The following PLCB1 variants were observed in gnomAD, a reference collection of about 807,000 sequenced individuals.
The protein encoded by PLCB1 is 1-phosphatidylinositol 4,5-bisphosphate phosphodiesterase beta-1.
PLCB1 carries 46 observed loss-of-function variants against 161.8 expected under a neutral mutation model. That is an observed-to-expected ratio of 0.28 (90% confidence interval 0.22 to 0.36). The LOEUF (loss-of-function observed/expected upper bound fraction) is 0.36, where lower values mean the gene tolerates loss of function less well. Ranked by LOEUF, PLCB1 falls within the 10% of genes least tolerant of loss-of-function variation. PLCB1 has a pLI of 1.00. For synonymous variants in PLCB1, 517 were observed against 503.7 expected, an observed-to-expected ratio of 1.03 and a Z score of -0.35; for missense variants, 1,016 against 1,472.5, an observed-to-expected ratio of 0.69 and a Z score of 5.07.
chr20:8,629,083 C>T (rs1022014032), intron 4 of PLCB1, among the ~76,000 whole-genome samples: 1 of 152,088 alleles, frequency 6.6e-6, no homozygotes, highest in African/African-American at 2.4e-5. Context: ...CTTCTAAGTC[C>T]GTGTCATTTC....
intron 9 of PLCB1, among the ~76,000 whole-genome samples, chr20:8,675,067 A>G (rs901219799): frequency 8.5e-5 from 13 of 152,170 alleles, no homozygotes; most frequent in Non-Finnish European, 1.3e-4. Flanking sequence ...GTACAGAATT[A>G]CAAATCTGGA....
chr20:8,375,849 A>G (rs1987057142), intron 3 of PLCB1, among the ~76,000 whole-genome samples: 1 of 151,128 alleles, frequency 6.6e-6, no homozygotes, highest in African/African-American at 2.4e-5. Context: ...TTAAACACCC[A>G]TGACTTTCCA....
At chr20:8,391,791 A>G (rs62195929) in intron 3 of PLCB1, among the ~76,000 whole-genome samples, 18,420 of 76,780 alleles carry the variant, frequency 0.24, 1,614 homozygotes, top group East Asian at 0.42. Context: ...GTGTGTATAT[A>G]TATATATATA....
intron 8 of PLCB1, among the ~76,000 whole-genome samples, chr20:8,657,554 G>A (rs1014418342): frequency 1.3e-5 from 2 of 152,004 alleles, no homozygotes; most frequent in African/African-American, 2.4e-5. Context: ...AAGGATTATG[G>A]GTAGAACAGG....
chr20:8,456,045 C>T (rs1019531041), intron 3 of PLCB1, among the ~76,000 whole-genome samples: 1 of 152,136 alleles, frequency 6.6e-6, no homozygotes, highest in South Asian at 2.1e-4. Context: ...TGCTTGGATG[C>T]TTGATACAGA....
At chr20:8,590,693 G>C (rs1221953837) in intron 3 of PLCB1, among the ~76,000 whole-genome samples, 1 of 152,138 alleles carries the variant, frequency 6.6e-6, no homozygotes, top group Non-Finnish European at 1.5e-5. Context: ...TTCAAAGGCA[G>C]CAAGATTAGG....
At chr20:8,606,862 G>T (rs1987772375) in intron 3 of PLCB1, among the ~76,000 whole-genome samples, 1 of 152,020 alleles carries the variant, frequency 6.6e-6, no homozygotes. Context: ...CTTAATTTTT[G>T]ATCTGTTGTT....
chr20:8,456,541 C>T (rs188289554), intron 3 of PLCB1, among the ~76,000 whole-genome samples: 5 of 151,970 alleles, frequency 3.3e-5, no homozygotes, highest in Admixed American at 3.3e-4. Flanking sequence ...TTTTAATAAA[C>T]ACAAGTTTTA....
At chr20:8,343,727 A>C (rs529186653) in intron 2 of PLCB1, among the ~76,000 whole-genome samples, 3 of 152,298 alleles carry the variant, frequency 2.0e-5, no homozygotes, top group African/African-American at 7.2e-5. Context: ...AGCTGCTATG[A>C]GATATAGCCC....
chr20:8,526,787 A>G (rs548472020), intron 3 of PLCB1, among the ~76,000 whole-genome samples: 24 of 152,248 alleles, frequency 1.6e-4, no homozygotes, highest in African/African-American at 5.3e-4. Context: ...TGTGGGCTGC[A>G]ATGTTAATAT....
Position 8,753,760 on chromosome 20 carries a change from C to G in PLCB1, c.2524-3286C>G, listed in dbSNP as rs150957167. 5.9e-5 allele frequency among the ~76,000 whole-genome samples: 9 copies of G among 152,266 alleles called. No homozygotes were observed. The East Asian group carries it at 1.3e-3, about 23-fold the overall frequency. On this transcript the variant is annotated intron_variant, in intron 23 of 31. Coordinates refer to ENST00000338037, the MANE Select transcript of PLCB1 (RefSeq NM_015192.4). ...TGATTGGAAACTGGGAGAGTTCACTCAAAACTTTCATTTTTCCATTTTTCT... is the reference window on the plus strand; with the variant it reads ...TGATTGGAAACTGGGAGAGTTCACTGAAAACTTTCATTTTTCCATTTTTCT...
intron 31 of PLCB1, among the ~76,000 whole-genome samples, chr20:8,797,930 A>AAAG (rs1320218605): frequency 6.6e-6 from 1 of 152,222 alleles, no homozygotes; most frequent in Non-Finnish European, 1.5e-5. Flanking sequence ...ATGGTGGCTT[A>AAAG]TGTCTGTAAT....
At chr20:8,832,111 T>C (rs1986043130) in intron 31 of PLCB1, among the ~76,000 whole-genome samples, 1 of 152,154 alleles carries the variant, frequency 6.6e-6, no homozygotes, top group African/African-American at 2.4e-5. Context: ...ATCCGACTTA[T>C]GAATTCACTC....
chr20:8,819,938 T>TAACA (rs1418684446), intron 31 of PLCB1, among the ~76,000 whole-genome samples: 3 of 151,326 alleles, frequency 2.0e-5, no homozygotes, highest in Non-Finnish European at 4.4e-5. Flanking sequence ...TAAAATAGTG[T>TAACA]AACACTGTGG....
intron 3 of PLCB1, among the ~76,000 whole-genome samples, chr20:8,524,945 C>G (rs907275045): frequency 2.0e-5 from 3 of 152,112 alleles, no homozygotes; most frequent in Non-Finnish European, 4.4e-5. Context: ...TTCCTAGTGC[C>G]TTGCAGGCAT....
chr20:8,419,741 G>C (rs1302015574), intron 3 of PLCB1, among the ~76,000 whole-genome samples: 1 of 152,160 alleles, frequency 6.6e-6, no homozygotes, highest in African/African-American at 2.4e-5. Flanking sequence ...AACATAAGTA[G>C]AGAAGCATTT....
At chr20:8,226,507 G>T (rs543437306) in intron 2 of PLCB1, among the ~76,000 whole-genome samples, 2 of 152,030 alleles carry the variant, frequency 1.3e-5, no homozygotes, top group Non-Finnish European at 2.9e-5. Flanking sequence ...CATATCTTCT[G>T]CATTTCCCTG....
At chr20:8,733,132 G>T in intron 18 of PLCB1, 106 bp from the exon 19 acceptor site, 1 of 1,130,722 alleles carries the variant, frequency 8.8e-7, no homozygotes, top group Non-Finnish European at 1.3e-6. Context: ...TCTTCCAAGG[G>T]AATACAGTCA....
chr20:8,202,320 C>A (rs7273797), intron 2 of PLCB1, among the ~76,000 whole-genome samples: 6,052 of 152,326 alleles, frequency 0.04, 350 homozygotes, highest in African/African-American at 0.12. Context: ...AAGTGATCCG[C>A]TTACCTCCGC....
Sources: allele counts gnomAD v4.1 joint callset (sites outside exome capture counted in the v4.1 genomes callset), GRCh38; gene constraint gnomAD v4.1.1; transcripts MANE v1.5; gene names NCBI Gene and HGNC (gene_info 2026-07-23, HGNC 2026-07-21).